Variants in SLIT1 observed in about 807,000 individuals in gnomAD.
SLIT1 encodes the protein slit homolog 1 protein.
SLIT1 carries 66 observed loss-of-function variants against 186.1 expected under a neutral mutation model. That is an observed-to-expected ratio of 0.35 (90% CI 0.29 to 0.44). The LOEUF (loss-of-function observed/expected upper bound fraction) is 0.44. Ranked by LOEUF, SLIT1 falls within the 20% of genes least tolerant of loss-of-function variation. The probability of loss-of-function intolerance (pLI) is 1.00; values close to 1 mark genes in which losing one functional copy is unlikely to be tolerated. For missense variants in SLIT1, 1,638 were observed against 2,037.4 expected, an observed-to-expected ratio of 0.80 and a Z score of 3.77; for synonymous variants, 761 against 833.8, an observed-to-expected ratio of 0.91 and a Z score of 1.50.
At chr10:97,079,888 G>A (rs1849086393) in intron 4 of SLIT1, among the ~76,000 whole-genome samples, 1 of 152,202 alleles carries the variant, frequency 6.6e-6, no homozygotes, top group Admixed American at 6.5e-5. Context: ...TCATGGGGTA[G>A]AACTACAGGA....
At chr10:97,038,874 T>C (rs1171180236) in intron 21 of SLIT1, among the ~76,000 whole-genome samples, 4 of 152,076 alleles carry the variant, frequency 2.6e-5, no homozygotes, top group African/African-American at 9.7e-5. Flanking sequence ...AAAACTGAGG[T>C]TTAGAGAAGT....
At chr10:97,075,234 G>A (rs1849035382) in intron 4 of SLIT1, among the ~76,000 whole-genome samples, 1 of 152,242 alleles carries the variant, frequency 6.6e-6, no homozygotes, top group South Asian at 2.1e-4. Context: ...GTTGGATTAA[G>A]GACTCAGGCT....
In SLIT1 at chr10:97,010,927, G is replaced by A; in HGVS notation, c.3341+66C>T. The A allele has an allele frequency of 6.6e-7, 1 of 1,515,158 alleles. No individual in the cohort carries two copies. The highest frequency in any genetic ancestry group is 9.0e-7 in the Non-Finnish European group (1 of 1,109,144). The allele number at this position is 1,515,158 out of a possible 1,614,324, so 93.9% of individuals were successfully genotyped here. On this transcript the variant is annotated intron_variant, in intron 31 of 36. Transcript: ENST00000266058. The surrounding 1 kb of genome is among the most constrained non-coding windows in gnomAD (Gnocchi z 4.8). Reference sequence around the variant, plus strand: ...CCCCTTTCCTTCGCCATGGCTGGAGGCTCCTGCCAGCCCAGGGGCTGACAG... The same window carrying A: ...CCCCTTTCCTTCGCCATGGCTGGAGACTCCTGCCAGCCCAGGGGCTGACAG...
intron 4 of SLIT1, among the ~76,000 whole-genome samples, chr10:97,095,687 G>A (rs569172813): frequency 7.2e-5 from 11 of 152,262 alleles, no homozygotes; most frequent in African/African-American, 2.2e-4. Context: ...TTGAACCTGC[G>A]TCTGTGCCCA....
intron 4 of SLIT1, among the ~76,000 whole-genome samples, chr10:97,070,707 G>A (rs371538962): frequency 1.3e-5 from 2 of 152,302 alleles, no homozygotes; most frequent in Middle Eastern, 3.4e-3. Flanking sequence ...CTATGAAGCC[G>A]GAAGCAGCCT....
chr10:97,172,768 G>A (rs1006849769), intron 1 of SLIT1, among the ~76,000 whole-genome samples: 17 of 152,148 alleles, frequency 1.1e-4, no homozygotes, highest in African/African-American at 1.9e-4. Flanking sequence ...TTAACCAGGC[G>A]TGGTAATCTC....
chr10:97,159,402 TC>T (rs35768883), intron 3 of SLIT1, among the ~76,000 whole-genome samples: 25,691 of 152,124 alleles, frequency 0.17, 2,284 homozygotes, highest in Middle Eastern at 0.19. Context: ...ATCAATACAA[TC>T]CTTAAAGCAA....
chr10:97,013,645 T>C (rs1403315236), intron 30 of SLIT1, 96 bp downstream of exon 30: 5 of 863,976 alleles, frequency 5.8e-6, no homozygotes, highest in African/African-American at 5.0e-5. Flanking sequence ...ATTGGACAAA[T>C]GAGGGAATGA....
intron 23 of SLIT1, 48 bp from the exon 24 acceptor site, chr10:97,031,725 C>G (rs1197709995): frequency 6.9e-7 from 1 of 1,459,088 alleles, no homozygotes; most frequent in African/African-American, 1.4e-5. Flanking sequence ...GTGCCTGGCC[C>G]CTGTGGGCAC....
At chr10:97,172,089 C>T (rs1850197918) in intron 1 of SLIT1, among the ~76,000 whole-genome samples, 1 of 151,730 alleles carries the variant, frequency 6.6e-6, no homozygotes, top group African/African-American at 2.4e-5. Flanking sequence ...GTCACCCAGG[C>T]CAGAGTGCAG....
Position 97,022,923 on chromosome 10 carries a change from T to A in SLIT1, c.2583-1510A>T, listed in dbSNP as rs1848513678. 6.6e-6 allele frequency among the ~76,000 whole-genome samples: 1 copy of A among 152,336 alleles called. No homozygotes were observed. The highest frequency in any genetic ancestry group is 2.4e-5 in the African/African-American group (1 of 41,582). ...CTTGGGAATCTTCCTGGTCAGCATA[T>A]AAGCATCTATCTCATTGTGTCCAAC... On this transcript the variant is annotated intron_variant, in intron 25 of 36. Transcript: ENST00000266058. The surrounding 1 kb of genome is among the most constrained non-coding windows in gnomAD (Gnocchi z 4.2).
intron 4 of SLIT1, among the ~76,000 whole-genome samples, chr10:97,091,239 C>T (rs1031672071): frequency 6.6e-6 from 1 of 152,212 alleles, no homozygotes; most frequent in Non-Finnish European, 1.5e-5. Context: ...CTCAGACACG[C>T]TCCATGCACC....
At chr10:97,135,867 G>T (rs1422134397) in intron 4 of SLIT1, among the ~76,000 whole-genome samples, 1 of 152,116 alleles carries the variant, frequency 6.6e-6, no homozygotes, top group Non-Finnish European at 1.5e-5. Flanking sequence ...TATTTTACCT[G>T]CTCCATAGAA....
chr10:97,040,149 A>G, intron 20 of SLIT1, 29 bp from the exon 21 acceptor site: 1 of 1,527,504 alleles, frequency 6.5e-7, no homozygotes, highest in South Asian at 1.3e-5. Context: ...AGCCCCTGTC[A>G]GGGAGGTGGA....
intron 20 of SLIT1, 44 bp from the exon 21 acceptor site, chr10:97,040,164 C>A: frequency 6.7e-7 from 1 of 1,502,596 alleles, no homozygotes. Context: ...GGTGGACGGG[C>A]CGCTGTAGGG....
intron 4 of SLIT1, among the ~76,000 whole-genome samples, chr10:97,106,050 A>G (rs1261430483): frequency 6.6e-6 from 1 of 152,028 alleles, no homozygotes; most frequent in African/African-American, 2.4e-5. Flanking sequence ...TGCTCACCCT[A>G]CTTCCCAGGG....
At chr10:97,027,608 T>A (rs952074028) in intron 25 of SLIT1, among the ~76,000 whole-genome samples, 1 of 152,224 alleles carries the variant, frequency 6.6e-6, no homozygotes, top group Non-Finnish European at 1.5e-5. Context: ...GCTAACCTGA[T>A]CTTTACTTAT....
chr10:97,085,954 A>G (rs1432496429), intron 4 of SLIT1, among the ~76,000 whole-genome samples: 1 of 152,236 alleles, frequency 6.6e-6, no homozygotes, highest in African/African-American at 2.4e-5. Flanking sequence ...GAGCACTGAC[A>G]ACGCCAGTGG....
At chr10:97,084,075 C>T (rs930162570) in intron 4 of SLIT1, among the ~76,000 whole-genome samples, 1 of 152,334 alleles carries the variant, frequency 6.6e-6, no homozygotes, top group Non-Finnish European at 1.5e-5. Flanking sequence ...GGCAACTACA[C>T]CTCCTGGTCT....
Sources: gnomAD v4.1 joint callset for allele counts (sites outside exome capture counted in the v4.1 genomes callset) on GRCh38, gnomAD v4.1.1 for gene constraint, Gnocchi (gnomAD v3.1) non-coding constraint, MANE v1.5 for transcripts, NCBI Gene and HGNC (gene_info 2026-07-23, HGNC 2026-07-21) for gene names.